CDC14A: variants seen among roughly 807,000 people sequenced by gnomAD.
CDC14A encodes the protein dual specificity protein phosphatase CDC14A.
CDC14A carries 53 observed loss-of-function variants against 74.4 expected under a neutral mutation model. The observed-to-expected ratio is 0.71, with a 90% CI of 0.57 to 0.89. CDC14A has a LOEUF of 0.89. Ranked by LOEUF, CDC14A falls within the 40% of genes least tolerant of loss-of-function variation. The probability of loss-of-function intolerance (pLI) is 0.00; values close to 1 mark genes in which losing one functional copy is unlikely to be tolerated. For missense variants in CDC14A, 646 were observed against 713.7 expected (o/e 0.91, Z 1.08); for synonymous variants, 247 against 258.4 (o/e 0.96, Z 0.43).
Position 100,428,977 on chromosome 1 carries a change from G to A in CDC14A, c.389+4676G>A, listed in dbSNP as rs116565144. On this transcript the variant is annotated intron_variant, in intron 5 of 15. Coordinates refer to ENST00000336454, the MANE Select transcript of CDC14A (RefSeq NM_003672.4). ...AATCCCAGTACTTTGGGAGGTGGGC[G>A]ATCACTTGAGGTCAGGAGTTCGAGA... 8.3e-3 allele frequency among the ~76,000 whole-genome samples: 1,259 copies of A among 152,032 alleles called. 22 individuals are homozygous for A. The highest frequency in any genetic ancestry group is 0.029 in the African/African-American group (1,205 of 41,468).
At chr1:100,442,358 A>C (rs990785456) in intron 6 of CDC14A, among the ~76,000 whole-genome samples, 2 of 146,188 alleles carry the variant, frequency 1.4e-5, no homozygotes, top group South Asian at 2.1e-4. Flanking sequence ...ATACTATATT[A>C]TATATAGTAT....
chr1:100,473,439 T>C (rs1668584131), intron 10 of CDC14A, among the ~76,000 whole-genome samples: 1 of 152,074 alleles, frequency 6.6e-6, no homozygotes, highest in African/African-American at 2.4e-5. Context: ...CAAGCTGGAG[T>C]CCAATGGCAC....
chr1:100,406,856 G>A (rs556588217), intron 4 of CDC14A, among the ~76,000 whole-genome samples: 73 of 151,984 alleles, frequency 4.8e-4, no homozygotes, highest in Non-Finnish European at 9.0e-4. Context: ...AACCCAGGAG[G>A]TGGAGGCTGC....
At position 100,352,563 on chromosome 1, in the gene CDC14A, A is replaced by G. The variant is rs1651209290; in HGVS notation, c.-392A>G. 2.9e-6 allele frequency: 3 copies of G among 1,044,746 alleles called. No homozygotes were observed. Among genetic ancestry groups the G allele is most frequent in the Admixed American group, 5.7e-5 (1 of 17,418 alleles). 64.7% of individuals were successfully genotyped at this position (1,044,746 alleles called of 1,614,324 possible). A position where few individuals can be genotyped will look rare whatever the true frequency, so the allele number is the denominator to read the frequency against. On this transcript the variant is annotated 5_prime_UTR_variant, in exon 1 of 16. Transcript: ENST00000336454. ...CCTCCCGGCTGCCGCTCGAGTAGCC[A>G]CGGGCGCGATCGGGACCAGAAGTCT... is the stretch of plus-strand genomic sequence containing the variant.
intron 5 of CDC14A, among the ~76,000 whole-genome samples, chr1:100,436,928 G>A (rs1664409753): frequency 1.3e-5 from 2 of 152,052 alleles, no homozygotes; most frequent in African/African-American, 2.4e-5. Flanking sequence ...GCTTACACCT[G>A]TAATCCTAGC....
At chr1:100,382,169 A>G (rs1033343926) in intron 3 of CDC14A, among the ~76,000 whole-genome samples, 3 of 151,714 alleles carry the variant, frequency 2.0e-5, no homozygotes, top group African/African-American at 7.3e-5. Context: ...AACAAAAGAC[A>G]AAGTTGTGGT....
intron 5 of CDC14A, among the ~76,000 whole-genome samples, chr1:100,434,384 C>T (rs770502472): frequency 2.0e-5 from 3 of 152,110 alleles, no homozygotes; most frequent in Admixed American, 2.0e-4. Flanking sequence ...GGCCAGATAC[C>T]CCCAGGCCTT....
chr1:100,471,058 C>A (rs2101277209), intron 10 of CDC14A, among the ~76,000 whole-genome samples: 1 of 151,996 alleles, frequency 6.6e-6, no homozygotes, highest in South Asian at 2.1e-4. Flanking sequence ...GTGAATATAT[C>A]ATAATATGTT....
At chr1:100,491,544 C>CTA (rs1557821650) in intron 11 of CDC14A, among the ~76,000 whole-genome samples, 49 of 41,326 alleles carry the variant, frequency 1.2e-3, no homozygotes, top group South Asian at 2.8e-3. Flanking sequence ...CTCTCTCTCT[C>CTA]TCTCTATATA....
At chr1:100,424,444 C>A (rs563770430) in intron 5 of CDC14A, 143 bp downstream of exon 5, 2 of 634,948 alleles carry the variant, frequency 3.1e-6, no homozygotes, top group South Asian at 3.9e-5. Flanking sequence ...TTTATTATTT[C>A]ATTTCGTAGA....
At chr1:100,418,331 G>A (rs1661794616) in intron 4 of CDC14A, among the ~76,000 whole-genome samples, 1 of 152,094 alleles carries the variant, frequency 6.6e-6, no homozygotes. Context: ...TTTGAGTTTA[G>A]GTCTAATGAA....
chr1:100,350,783 C>T (rs188262760), upstream of CDC14A, among the ~76,000 whole-genome samples: 5 of 152,310 alleles, frequency 3.3e-5, no homozygotes, highest in Non-Finnish European at 5.9e-5. Flanking sequence ...TTCGGAAATA[C>T]AACAACATCT....
At chr1:100,381,390 C>T (rs781684745) in intron 3 of CDC14A, among the ~76,000 whole-genome samples, 5 of 152,212 alleles carry the variant, frequency 3.3e-5, no homozygotes, top group Non-Finnish European at 7.3e-5. Flanking sequence ...TAATTTCGCA[C>T]TGTGTTAACT....
At chr1:100,372,556 G>A (rs760305953) in intron 2 of CDC14A, among the ~76,000 whole-genome samples, 2 of 152,206 alleles carry the variant, frequency 1.3e-5, no homozygotes, top group African/African-American at 2.4e-5. Context: ...AGCAAAAGGT[G>A]TGAGCATGAT....
intron 15 of CDC14A, among the ~76,000 whole-genome samples, chr1:100,501,588 A>G (rs1648736794): frequency 1.3e-5 from 2 of 152,204 alleles, no homozygotes; most frequent in East Asian, 1.9e-4. Flanking sequence ...GATAATAAAT[A>G]CCTGTTACTG....
rs187790292 is a variant in CDC14A at position 100,411,239 on chromosome 1, A to G, written c.310-12983A>G. The stretch of plus-strand genomic sequence containing the variant: ...TTCGCAGCCCTCAGCTTACTTCGAC[A>G]CCCATAGTGCAAGGGAACACTGTTG... On this transcript the variant is annotated intron_variant, in intron 4 of 15. Transcript: ENST00000336454. Among the ~76,000 whole-genome samples, 10 of 152,148 alleles carry G rather than the reference A, an allele frequency of 6.6e-5. No individual in the cohort carries two copies. The East Asian group carries it at 1.9e-3, about 29-fold the overall frequency.
rs539219430 is a variant in CDC14A, at chr1:100,457,396, C to A, written c.607+1904C>A. On this transcript the variant is annotated intron_variant, in intron 8 of 15. Transcript: ENST00000336454. Reference sequence around the variant, plus strand: ...TGAAGATCCATGTAATCATTTTCCACGACTGCATTGCATTTTGTTCTACCA... The same window carrying A: ...TGAAGATCCATGTAATCATTTTCCAAGACTGCATTGCATTTTGTTCTACCA... Among the ~76,000 whole-genome samples, 11 of 152,250 alleles carry A rather than the reference C, an allele frequency of 7.2e-5. No homozygotes were observed. The South Asian group carries it at 2.3e-3, about 32-fold the overall frequency.
chr1:100,373,370 C>T (rs965680812), intron 2 of CDC14A, among the ~76,000 whole-genome samples: 1 of 152,108 alleles, frequency 6.6e-6, no homozygotes, highest in African/African-American at 2.4e-5. Context: ...AGACCCAAAA[C>T]AATTACAGTA....
At chr1:100,447,830 T>C (rs60451045) in intron 7 of CDC14A, among the ~76,000 whole-genome samples, 8,449 of 152,244 alleles carry the variant, frequency 0.055, 564 homozygotes, top group African/African-American at 0.16. Flanking sequence ...TTCTGTTTTT[T>C]TGGGGGGTAG....
Sources: gnomAD v4.1 joint callset for allele counts (sites outside exome capture counted in the v4.1 genomes callset) on GRCh38, gnomAD v4.1.1 for gene constraint, MANE v1.5 for transcripts, NCBI Gene and HGNC (gene_info 2026-07-23, HGNC 2026-07-21) for gene names.